PCDH11X: variants seen among roughly 807,000 people sequenced by gnomAD.
PCDH11X encodes protocadherin 11 X-linked, also known as protocadherin-11 X-linked.
A neutral mutation model predicts 53.3 loss-of-function variants in PCDH11X; 18 were observed. The observed-to-expected ratio is 0.34, with a 90% CI of 0.23 to 0.50. The LOEUF is 0.50. Among genes scored for constraint, PCDH11X ranks in the 20% least tolerant of loss-of-function variants. PCDH11X has a pLI of 0.98. For synonymous variants in PCDH11X, 279 were observed against 393.3 expected, an observed-to-expected ratio of 0.71 and a Z score of 3.44; for missense variants, 570 against 1,032.4, an observed-to-expected ratio of 0.55 and a Z score of 6.14.
At chrX:92,298,248 G>A (rs2068649721) in intron 8 of PCDH11X, among the ~76,000 whole-genome samples, 1 of 111,807 alleles carries the variant, frequency 8.9e-6, no homozygotes, top group Non-Finnish European at 1.9e-5. Context: ...AATGCATCCA[G>A]CTTTTGCTCA....
At chrX:92,464,680 T>C (rs1453525911) in intron 9 of PCDH11X, among the ~76,000 whole-genome samples, 1 of 110,831 alleles carries the variant, frequency 9.0e-6, no homozygotes, top group Non-Finnish European at 1.9e-5. Flanking sequence ...ATTTTTGTAG[T>C]TCAGACTCTA....
chrX:91,899,447 C>G (rs1388467776), intron 6 of PCDH11X, among the ~76,000 whole-genome samples: 1 of 110,906 alleles, frequency 9.0e-6, no homozygotes, highest in African/African-American at 3.3e-5. Context: ...TGTTAATCTC[C>G]TTTGCCAACA....
rs191797124 is a variant in PCDH11X, at chrX:92,127,936, A to G, written c.3034-73439A>G. Among the ~76,000 whole-genome samples, 19 of 111,598 alleles carry G rather than the reference A, an allele frequency of 1.7e-4. No homozygotes were observed. The East Asian group carries it at 5.4e-3, about 31-fold the overall frequency. On this transcript the variant is annotated intron_variant, in intron 6 of 10. Transcript: ENST00000682573. ...TGGTGATTATTGAATAAGTTAGACT[A>G]TGGTTGAAGTGGGGAGCTAGTTATT...
chrX:92,212,168 C>A (rs1485132958), intron 7 of PCDH11X, among the ~76,000 whole-genome samples: 2 of 109,261 alleles, frequency 1.8e-5, no homozygotes. Context: ...CACACCACCA[C>A]ACTCCACTAA....
At chrX:92,300,968 G>A (rs2068709151) in intron 8 of PCDH11X, among the ~76,000 whole-genome samples, 1 of 111,719 alleles carries the variant, frequency 9.0e-6, no homozygotes, top group Non-Finnish European at 1.9e-5. Context: ...TGGCACAGTA[G>A]GGTGTATGTG....
At chrX:92,384,236 A>G (rs2070961497) in intron 8 of PCDH11X, among the ~76,000 whole-genome samples, 1 of 110,540 alleles carries the variant, frequency 9.0e-6, no homozygotes, top group South Asian at 3.8e-4. Context: ...CCTTTGTCAG[A>G]TGGATAGATT....
Position 92,127,733 on chromosome X carries a change from G to T in PCDH11X, c.3034-73642G>T, listed in dbSNP as rs758951120. ...AGACGGGGTTTCACCATGTTAGCCA[G>T]CATGATCTCGAGCTCCTGACCTCAT... is the stretch of plus-strand genomic sequence containing the variant. On this transcript the variant is annotated intron_variant, in intron 6 of 10. Transcript: ENST00000682573. Among the ~76,000 whole-genome samples, 11 of 110,011 alleles carry T rather than the reference G, an allele frequency of 1.0e-4. No individual in the cohort carries two copies. In the East Asian group the frequency reaches 3.2e-3, roughly 32 times the overall value.
At chrX:92,556,097 A>T (rs2075041697) in intron 10 of PCDH11X, among the ~76,000 whole-genome samples, 1 of 111,739 alleles carries the variant, frequency 8.9e-6, no homozygotes, top group Admixed American at 9.5e-5. Context: ...CACCACCATG[A>T]GCCAATTACT....
Position 91,877,746 on chromosome X carries a change from T to C in PCDH11X, c.1506T>C (p.Asn502=). 8.3e-7 allele frequency: 1 copy of C among 1,211,576 alleles called. No homozygotes were observed. Among genetic ancestry groups the C allele is most frequent in the Non-Finnish European group, 1.1e-6 (1 of 895,417 alleles). ...DADSGPNAKI[N]YLLGPDAPPE... is the part of the protein sequence containing the mutation. ...ACAGTGGGCCTAATGCTAAGATCAA[T>C]TACCTGCTAGGCCCTGATGCTCCAC... The change falls in exon 6 of 11, where the codon AAT becomes AAC. Residue 502 remains asparagine (N), a synonymous_variant. Transcript: ENST00000682573.
intron 6 of PCDH11X, among the ~76,000 whole-genome samples, chrX:91,925,594 A>G (rs777320068): frequency 4.2e-4 from 47 of 111,102 alleles, no homozygotes; most frequent in African/African-American, 1.5e-3. Flanking sequence ...AGCTGTATAG[A>G]ACATTGATTT....
intron 8 of PCDH11X, among the ~76,000 whole-genome samples, chrX:92,310,846 G>A (rs1233785309): frequency 1.1e-4 from 12 of 112,030 alleles, no homozygotes; most frequent in Admixed American, 3.8e-4. Context: ...TGTAGATTTC[G>A]TTTTCGTAAA....
chrX:92,024,386 C>A (rs4893163), intron 6 of PCDH11X, among the ~76,000 whole-genome samples: 18,164 of 109,563 alleles, frequency 0.17, 1,326 homozygotes, highest in Admixed American at 0.29. Context: ...AAGCAGAGAG[C>A]CAAATCATGA....
intron 6 of PCDH11X, among the ~76,000 whole-genome samples, chrX:92,192,356 A>G (rs778166772): frequency 5.4e-5 from 6 of 111,449 alleles, no homozygotes; most frequent in Non-Finnish European, 1.1e-4. Flanking sequence ...TTGTTTGTTT[A>G]TTTTTGAGAT....
intron 10 of PCDH11X, among the ~76,000 whole-genome samples, chrX:92,566,673 T>C (rs923140149): frequency 9.0e-6 from 1 of 110,748 alleles, no homozygotes; most frequent in Non-Finnish European, 1.9e-5. Context: ...TGTATAAAAA[T>C]GCAAAAAATC....
rs779550908 is a variant in PCDH11X, at chrX:92,375,612, TA to T, written c.3145-12122del. On this transcript the variant is annotated intron_variant, in intron 8 of 10. Transcript: ENST00000682573. ...GTTTACCTGTTTACATGACTTTTAA[TA>T]TTTTTTTTGTTGTTTCTTTGTTTGT... 7.4e-4 allele frequency among the ~76,000 whole-genome samples: 82 copies of T among 110,454 alleles called. 1 individual carries two copies. The highest frequency in any genetic ancestry group is 1.4e-3 in the African/African-American group (44 of 30,360).
intron 8 of PCDH11X, among the ~76,000 whole-genome samples, chrX:92,363,849 G>T (rs1327017274): frequency 9.1e-6 from 1 of 110,302 alleles, no homozygotes; most frequent in Non-Finnish European, 1.9e-5. Flanking sequence ...GGTTTAATGT[G>T]TTTTTTTTAA....
At chrX:92,613,886 T>C (rs1466625670) in intron 10 of PCDH11X, among the ~76,000 whole-genome samples, 1 of 110,167 alleles carries the variant, frequency 9.1e-6, no homozygotes, top group Non-Finnish European at 1.9e-5. Flanking sequence ...TATTTCAAAA[T>C]ACTGGTCTTT....
intron 1 of PCDH11X, among the ~76,000 whole-genome samples, chrX:91,807,479 GGAGA>G (rs375018462): frequency 2.8e-5 from 3 of 108,786 alleles, no homozygotes; most frequent in South Asian, 3.9e-4. Flanking sequence ...TCTGTGAGGG[GGAGA>G]GAGAGAGAGA....
intron 8 of PCDH11X, among the ~76,000 whole-genome samples, chrX:92,316,527 ATTAT>A (rs753037972): frequency 2.1e-4 from 24 of 111,841 alleles, no homozygotes; most frequent in East Asian, 1.7e-3. Context: ...ATTATCTGTG[ATTAT>A]TTATCCAATA....
Sources: gnomAD v4.1 joint callset for allele counts (sites outside exome capture counted in the v4.1 genomes callset) on GRCh38, gnomAD v4.1.1 for gene constraint, MANE v1.5 for transcripts, NCBI Gene and HGNC (gene_info 2026-07-23, HGNC 2026-07-21) for gene names.